CHL1: variants seen among roughly 807,000 people sequenced by gnomAD.
CHL1 encodes neural cell adhesion molecule L1-like protein.
In CHL1, 96 loss-of-function variants were observed where a neutral mutation model predicts 141.9. That is an observed-to-expected ratio of 0.68 (90% confidence interval 0.57 to 0.80). CHL1 has a LOEUF of 0.80. Among genes scored for constraint, CHL1 ranks in the 30% least tolerant of loss-of-function variants. The pLI is 0.00. For missense variants in CHL1, 1,820 were observed against 1,457.2 expected (o/e 1.25, Z -4.05); for synonymous variants, 613 against 502.2 (o/e 1.22, Z -2.95).
chr3:362,623 TAA>T (rs11356805), intron 13 of CHL1, among the ~76,000 whole-genome samples: 29 of 148,264 alleles, frequency 2.0e-4, no homozygotes, highest in East Asian at 6.0e-4. Context: ...AGCTTATCCT[TAA>T]AAAAAAAAAA....
At chr3:226,382 ATATACT>A (rs1701351243) in intron 1 of CHL1, among the ~76,000 whole-genome samples, 3 of 146,542 alleles carry the variant, frequency 2.0e-5, no homozygotes, top group African/African-American at 7.5e-5. Context: ...TTTTATATAT[ATATACT>A]TATATATTAT....
Position 311,001 on chromosome 3 carries a change from G to T in CHL1, c.-94-8682G>T, listed in dbSNP as rs141774468. On this transcript the variant is annotated intron_variant, in intron 2 of 27. Coordinates refer to ENST00000256509, the MANE Select transcript of CHL1 (RefSeq NM_006614.4). ...AAACAGTATCTGGTGTTTTCAAATT[G>T]GCCTGTTCACTTAATGTGCCTTTAG... Among the ~76,000 whole-genome samples, 1,098 of 152,142 alleles carry T rather than the reference G, an allele frequency of 7.2e-3. 19 individuals are homozygous for T. The highest frequency in any genetic ancestry group is 0.025 in the African/African-American group (1,052 of 41,492).
At chr3:386,946 G>A (rs1237947901) in intron 19 of CHL1, among the ~76,000 whole-genome samples, 2 of 152,008 alleles carry the variant, frequency 1.3e-5, no homozygotes, top group African/African-American at 4.8e-5. Context: ...ATTTTGAGTA[G>A]CTCAATTTAG....
At chr3:213,318 G>A (rs908215842) in intron 1 of CHL1, 4 of 152,168 alleles carry the variant, frequency 2.6e-5, no homozygotes, top group Non-Finnish European at 4.4e-5. Context: ...TCAAGGAGAT[G>A]CAGCCTAACT....
At chr3:249,343 T>C (rs1320903029) in intron 2 of CHL1, among the ~76,000 whole-genome samples, 1 of 151,970 alleles carries the variant, frequency 6.6e-6, no homozygotes, top group Non-Finnish European at 1.5e-5. Flanking sequence ...AGATCAAAGA[T>C]TAGTGACTTC....
Position 236,897 on chromosome 3 carries a change from A to AAT in CHL1, c.-174-7715_-174-7714insTA, listed in dbSNP as rs1432984641. ...TCATAGACTTTTAGGGCAAAAAAAA[A>AAT]AACCTTGTAAATAGCATTCAGTTGA... On this transcript the variant is annotated intron_variant, in intron 1 of 27. Coordinates refer to ENST00000256509, the MANE Select transcript of CHL1 (RefSeq NM_006614.4). Among the ~76,000 whole-genome samples, 9 of 151,952 alleles carry AAT rather than the reference A, an allele frequency of 5.9e-5. No homozygotes were observed. The South Asian group carries it at 1.9e-3, about 32-fold the overall frequency.
intron 1 of CHL1, among the ~76,000 whole-genome samples, chr3:233,898 A>T (rs934385336): frequency 1.3e-5 from 2 of 152,146 alleles, no homozygotes; most frequent in African/African-American, 4.8e-5. Flanking sequence ...AGTTGGTGAT[A>T]TATTAATATG....
At chr3:218,829 C>A (rs1013915252) in intron 1 of CHL1, among the ~76,000 whole-genome samples, 4 of 152,042 alleles carry the variant, frequency 2.6e-5, no homozygotes, top group African/African-American at 9.7e-5. Context: ...CATTTCGCAC[C>A]GGTCAGAATG....
chr3:271,281 A>T (rs867413719), intron 2 of CHL1, among the ~76,000 whole-genome samples: 1 of 152,206 alleles, frequency 6.6e-6, no homozygotes, highest in Non-Finnish European at 1.5e-5. Flanking sequence ...TTATTGTGCT[A>T]TTGTTTAATG....
chr3:281,631 C>G (rs1010789348), intron 2 of CHL1, among the ~76,000 whole-genome samples: 3 of 150,236 alleles, frequency 2.0e-5, no homozygotes, highest in Non-Finnish European at 4.4e-5. Flanking sequence ...ACAATCTCAG[C>G]TTACTGCAAC....
intron 15 of CHL1, among the ~76,000 whole-genome samples, chr3:373,255 G>C (rs573578129): frequency 1.2e-4 from 18 of 152,348 alleles, no homozygotes; most frequent in African/African-American, 3.4e-4. Context: ...TCCCCCTAGG[G>C]GCTCAGGCCC....
At chr3:244,157 C>A (rs1692931708) in intron 1 of CHL1, among the ~76,000 whole-genome samples, 1 of 152,178 alleles carries the variant, frequency 6.6e-6, no homozygotes. Flanking sequence ...GAGGTCTGAT[C>A]TTTCAATGCT....
rs756317859 is a variant in CHL1, at chr3:344,608, A to G, written c.747A>G (p.Arg249=). ...IGSKANSIKQ[R]KPKLLLPPTE... Reference sequence around the variant, plus strand: ...TTGTAGCAAATTCCATCAAGCAAAGAAAACCCAAACTGCTGTTGCCTCCCA... The same window carrying G: ...TTGTAGCAAATTCCATCAAGCAAAGGAAACCCAAACTGCTGTTGCCTCCCA... The change falls in exon 9 of 28, where the codon AGA becomes AGG. Residue 249 remains arginine, a synonymous_variant. Coordinates refer to ENST00000256509, the MANE Select transcript of CHL1 (RefSeq NM_006614.4). 1.2e-6 allele frequency: 2 copies of G among 1,611,554 alleles called. No individual in the cohort carries two copies. The highest frequency in any genetic ancestry group is 1.7e-6 in the Non-Finnish European group (2 of 1,178,936).
Position 319,117 on chromosome 3 carries a change from C to G in CHL1, c.-94-566C>G, listed in dbSNP as rs888646900. On this transcript the variant is annotated intron_variant, in intron 2 of 27. Transcript: ENST00000256509. ...GTGGAAGTCCAACACTGAATACACA[C>G]GGACATAAAGATAAGAATAATAGAA... Among the ~76,000 whole-genome samples the G allele has an allele frequency of 2.7e-5, 3 of 112,988 alleles. No homozygotes were observed. In the East Asian group the frequency reaches 5.9e-4, roughly 22 times the overall value. 74.1% of individuals were successfully genotyped at this position (112,988 alleles called of 152,430 possible). A position where few individuals can be genotyped will look rare whatever the true frequency, so the allele number is the denominator to read the frequency against.
intron 1 of CHL1, chr3:198,169 G>A (rs1419136933): frequency 1.6e-5 from 3 of 193,538 alleles, no homozygotes; most frequent in Admixed American, 6.0e-5. Flanking sequence ...GGCGGGCGGG[G>A]AAGGGGTGGG....
At chr3:382,824 G>A in intron 18 of CHL1, 153 bp downstream of exon 18, 2 of 672,988 alleles carry the variant, frequency 3.0e-6, no homozygotes, top group South Asian at 2.0e-5. Flanking sequence ...AATATTCAAA[G>A]CACACAAGTT....
chr3:383,821 G>T lies in CHL1; in HGVS notation c.2182G>T (p.Asp728Tyr), dbSNP rs578023094. ...DHHETPPAAPDRNPQNIRVQA... is the reference protein window; with the variant it reads ...DHHETPPAAPYRNPQNIRVQA... ...TAATGTTTTTAATTTTTCAGCTCCA[G>T]ATAGGAATCCACAAAACATAAGGGT... The change falls in exon 19 of 28, where the codon GAT (aspartate) becomes TAT (tyrosine). Residue 728 changes from aspartate (D) to tyrosine (Y), a missense_variant. Coordinates refer to ENST00000256509, the MANE Select transcript of CHL1 (RefSeq NM_006614.4). The T allele has an allele frequency of 1.9e-6, 3 of 1,609,122 alleles. No individual in the cohort carries two copies. The African/African-American group carries it at 4.0e-5, about 21-fold the overall frequency.
rs575638511 is a variant in CHL1, at chr3:199,395, A to G, written c.-175+2332A>G. Among the ~76,000 whole-genome samples the G allele has an allele frequency of 2.0e-5, 3 of 152,332 alleles. No homozygotes were observed. The South Asian group carries it at 6.2e-4, about 32-fold the overall frequency. On this transcript the variant is annotated intron_variant, in intron 1 of 27. Coordinates refer to ENST00000256509, the MANE Select transcript of CHL1 (RefSeq NM_006614.4). ...CCAGATTGTTATCTGTTGCATGTAG[A>G]CTTACGGATCCTTTTCTTCAAAGAA...
intron 3 of CHL1, 94 bp from the exon 4 acceptor site, chr3:325,865 C>T: frequency 1.5e-6 from 1 of 684,670 alleles, no homozygotes; most frequent in Non-Finnish European, 2.5e-6. Flanking sequence ...TTTCACTTAT[C>T]AGTATACAAA....
Sources: gnomAD v4.1 joint callset for allele counts (sites outside exome capture counted in the v4.1 genomes callset) on GRCh38, gnomAD v4.1.1 for gene constraint, MANE v1.5 for transcripts, NCBI Gene and HGNC (gene_info 2026-07-23, HGNC 2026-07-21) for gene names.